ALAS1: variants seen among roughly 807,000 people sequenced by gnomAD.
ALAS1 encodes the protein 5'-aminolevulinate synthase 1, also known as 5-aminolevulinate synthase, non-specific, mitochondrial.
In ALAS1, 29 loss-of-function variants were observed where a neutral mutation model predicts 59.6. That is an observed-to-expected ratio of 0.49 (90% confidence interval 0.36 to 0.66). The LOEUF (loss-of-function observed/expected upper bound fraction) is 0.66, where lower values mean the gene tolerates loss of function less well. Ranked by LOEUF, ALAS1 falls within the 30% of genes least tolerant of loss-of-function variation. The pLI, the probability that ALAS1 is intolerant of heterozygous loss-of-function variation, is 0.00. For synonymous variants in ALAS1, 299 were observed against 296.6 expected (o/e 1.01, Z -0.08); for missense variants, 690 against 807.5 (o/e 0.85, Z 1.76).
rs757206838 is a variant in ALAS1, at chr3:52,214,170, C to T, written c.1913C>T (p.Ala638Val). The T allele has an allele frequency of 4.4e-6, 7 of 1,604,568 alleles. No individual in the cohort carries two copies. Among genetic ancestry groups the T allele is most frequent in the South Asian group, 3.3e-5 (3 of 90,822 alleles). ...YFSGLSKLVSAQA is the reference protein window; with the variant it reads ...YFSGLSKLVSVQA ...TCAGGCTTGAGCAAGTTGGTATCTG[C>T]TCAGGCCTGAGCATGACCTCAATTA... The change falls in exon 12 of 12, where the codon GCT (alanine) becomes GTT (valine). Residue 638 changes from alanine (A) to valine (V), a missense_variant. Ala to Val is a moderately conservative substitution (Grantham distance 64, BLOSUM62 0). Coordinates refer to ENST00000484952, the MANE Select transcript of ALAS1 (RefSeq NM_000688.6).
In ALAS1 at chr3:52,209,910, G is replaced by C. The variant is rs549488340; in HGVS notation, c.1331-1373G>C. On this transcript the variant is annotated intron_variant, in intron 9 of 11. Coordinates refer to ENST00000484952, the MANE Select transcript of ALAS1 (RefSeq NM_000688.6). Reference sequence around the variant, plus strand: ...GGCCAGGCTGGTCTCTAACTCCTGAGCTCAAGTGATTTGCCCCCCTCGGCC... The same window carrying C: ...GGCCAGGCTGGTCTCTAACTCCTGACCTCAAGTGATTTGCCCCCCTCGGCC... Among the ~76,000 whole-genome samples the C allele has an allele frequency of 2.3e-4, 35 of 152,192 alleles. No individual in the cohort carries two copies. In the East Asian group the frequency reaches 2.9e-3, roughly 13 times the overall value.
rs1035913305 is a variant in ALAS1, at chr3:52,202,772, G to A, written c.427+38G>A. ...TTGTGAACCATTAGTGGTAGTGAAG[G>A]GGTCCTTTTAGTTCTTTTGGGCCCT... On this transcript the variant is annotated intron_variant, in intron 4 of 11. Coordinates refer to ENST00000484952, the MANE Select transcript of ALAS1 (RefSeq NM_000688.6). The A allele has an allele frequency of 1.9e-6, 3 of 1,588,158 alleles. No individual in the cohort carries two copies. The African/African-American group carries it at 4.0e-5, about 21-fold the overall frequency.
At chr3:52,207,511 G>C (rs1361936499) in intron 8 of ALAS1, among the ~76,000 whole-genome samples, 1 of 151,868 alleles carries the variant, frequency 6.6e-6, no homozygotes, top group African/African-American at 2.4e-5. Flanking sequence ...GGTTCAGTGG[G>C]TACATGTGCG....
chr3:52,199,448 T>A lies in ALAS1; in HGVS notation c.199+8T>A. 6.2e-7 allele frequency: 1 copy of A among 1,611,218 alleles called. No individual in the cohort carries two copies. Among genetic ancestry groups the A allele is most frequent in the African/African-American group, 1.3e-5 (1 of 74,898 alleles). On this transcript the variant is annotated splice_region_variant and intron_variant, in intron 3 of 11. Coordinates refer to ENST00000484952, the MANE Select transcript of ALAS1 (RefSeq NM_000688.6). ...CCCCTCCGGCCAGTGAGAGTAAGTG[T>A]CATTGACAATGAAGGAGCAGGTATG...
At chr3:52,200,854 T>C (rs772171855) in intron 3 of ALAS1, among the ~76,000 whole-genome samples, 5 of 152,188 alleles carry the variant, frequency 3.3e-5, no homozygotes, top group Non-Finnish European at 5.9e-5. Context: ...GCGTGTTCTC[T>C]GGGTGTGGGC....
At position 52,204,029 on chromosome 3, in the gene ALAS1, T is replaced by C. The variant is rs1258469839; in HGVS notation, c.577+17T>C. The C allele has an allele frequency of 6.3e-7, 1 of 1,589,564 alleles. No homozygotes were observed. Among genetic ancestry groups the C allele is most frequent in the South Asian group, 1.1e-5 (1 of 87,542 alleles). On this transcript the variant is annotated intron_variant, in intron 5 of 11. Transcript: ENST00000484952. ...TGCCAAAATGTAAGTCTCATTGTTA[T>C]TTGCCTGATGTAGAAAAGAATTTAT...
rs1306073755 is a variant in ALAS1, at chr3:52,205,938, C to T, written c.900C>T (p.Leu300=). 1.7e-5 allele frequency: 28 copies of T among 1,614,050 alleles called. No homozygotes were observed. The highest frequency in any genetic ancestry group is 2.2e-5 in the Non-Finnish European group (26 of 1,180,030). Residue 300 remains leucine, a synonymous_variant, in exon 7 of 12, where the codon CTC becomes CTT. Coordinates refer to ENST00000484952, the MANE Select transcript of ALAS1 (RefSeq NM_000688.6). ...HVDLERELAD[L]HGKDAALLFS... is the part of the protein sequence containing the mutation. ...ACTTAGAGCGGGAGCTGGCAGACCT[C>T]CATGGGAAAGATGCCGCACTCTTGT...
At chr3:52,206,813 A>T in intron 8 of ALAS1, 62 bp downstream of exon 8, 1 of 1,538,000 alleles carries the variant, frequency 6.5e-7, no homozygotes, top group Non-Finnish European at 8.8e-7. Flanking sequence ...AACTCTTTAA[A>T]AGTATGGTGT....
Position 52,211,334 on chromosome 3 carries a change from T to TC in ALAS1, c.1382_1383insC (p.Asp462Ter), listed in dbSNP as rs1428855018. 6.2e-7 allele frequency: 1 copy of TC among 1,614,224 alleles called. No individual in the cohort carries two copies. Among genetic ancestry groups the TC allele is most frequent in the Non-Finnish European group, 8.5e-7 (1 of 1,180,042 alleles). ...TACATCGCCAGCACGAGTTCTCTGA[T>TC]TGACACCGTACGGTCCTATGCTGCT... On this transcript the variant is annotated frameshift_variant, in exon 10 of 12. Coordinates refer to ENST00000484952, the MANE Select transcript of ALAS1 (RefSeq NM_000688.6). LOFTEE classifies it high-confidence loss of function.
Position 52,198,686 on chromosome 3 carries a change from T to C in ALAS1, c.-195T>C. On this transcript the variant is annotated 5_prime_UTR_variant, in exon 2 of 12. Coordinates refer to ENST00000484952, the MANE Select transcript of ALAS1 (RefSeq NM_000688.6). ...TCCTTTCTCAGTTATGCCCAGTTCT[T>C]CCCGCTGTGGGGACACGACCACGGA... is the stretch of plus-strand genomic sequence containing the variant. 1.0e-6 allele frequency: 1 copy of C among 966,208 alleles called. No homozygotes were observed. Among genetic ancestry groups the C allele is most frequent in the Middle Eastern group, 2.3e-4 (1 of 4,274 alleles). 59.9% of individuals were successfully genotyped at this position (966,208 alleles called of 1,614,324 possible).
chr3:52,207,215 G>A (rs1196090260), intron 8 of ALAS1, among the ~76,000 whole-genome samples: 1 of 152,076 alleles, frequency 6.6e-6, no homozygotes, highest in Non-Finnish European at 1.5e-5. Flanking sequence ...ATGTTAGCTA[G>A]GATGGTCTCG....
rs768132963 is a variant in ALAS1 at position 52,202,591 on chromosome 3, A to G, written c.284A>G (p.His95Arg). ...GATGGCACACAGCTTCCGTCTGGACACCCCTTGCCTGCCACAAGCCAGGGC... is the reference window on the plus strand; with the variant it reads ...GATGGCACACAGCTTCCGTCTGGACGCCCCTTGCCTGCCACAAGCCAGGGC... ...SPDGTQLPSG[H>R]PLPATSQGTA... The change falls in exon 4 of 12, where the codon CAC (histidine) becomes CGC (arginine). Residue 95 changes from histidine (H) to arginine (R), a missense_variant. By Grantham distance (29) the His-to-Arg change is conservative. Transcript: ENST00000484952. The G allele has an allele frequency of 1.9e-6, 3 of 1,613,820 alleles. No homozygotes were observed. Among genetic ancestry groups the G allele is most frequent in the African/African-American group, 1.3e-5 (1 of 74,892 alleles).
chr3:52,204,948 T>TA, intron 6 of ALAS1, 33 bp downstream of exon 6: 1 of 1,570,606 alleles, frequency 6.4e-7, no homozygotes, highest in Non-Finnish European at 8.8e-7. Flanking sequence ...ATATTACTGT[T>TA]GTTATTTGGC....
intron 4 of ALAS1, 104 bp from the exon 5 acceptor site, chr3:52,203,759 T>C: frequency 7.3e-7 from 1 of 1,367,988 alleles, no homozygotes; most frequent in Non-Finnish European, 9.8e-7. Context: ...CTTGGCCTTT[T>C]TTGTGAACTA....
At chr3:52,203,706 A>T (rs1699236762) in intron 4 of ALAS1, among the ~76,000 whole-genome samples, 157 bp from the exon 5 acceptor site, 1 of 152,256 alleles carries the variant, frequency 6.6e-6, no homozygotes, top group Non-Finnish European at 1.5e-5. Flanking sequence ...ACTAAAATAG[A>T]AGAGATGCTT....
At position 52,213,872 on chromosome 3, in the gene ALAS1, T is replaced by C. The variant is rs1422397379; in HGVS notation, c.1763-148T>C. 4.9e-5 allele frequency: 34 copies of C among 691,408 alleles called. 1 individual carries two copies. Among genetic ancestry groups the C allele is most frequent in the Non-Finnish European group, 6.9e-5 (29 of 421,964 alleles). 42.8% of individuals were successfully genotyped at this position (691,408 alleles called of 1,614,324 possible). A position where few individuals can be genotyped will look rare whatever the true frequency, so the allele number is the denominator to read the frequency against. On this transcript the variant is annotated intron_variant, in intron 11 of 11. Coordinates refer to ENST00000484952, the MANE Select transcript of ALAS1 (RefSeq NM_000688.6). Reference sequence around the variant, plus strand: ...ATTTACCACATTTTGTTTATCCGTCTATTGGTGGACATTTGGTTGTTTCTC... The same window carrying C: ...ATTTACCACATTTTGTTTATCCGTCCATTGGTGGACATTTGGTTGTTTCTC...
chr3:52,212,398 C>A lies in ALAS1; in HGVS notation c.1740C>A (p.Pro580=). 6.2e-7 allele frequency: 1 copy of A among 1,614,034 alleles called. No homozygotes were observed. The highest frequency in any genetic ancestry group is 8.5e-7 in the Non-Finnish European group (1 of 1,180,000). Reference sequence around the variant, plus strand: ...TTGCCCCCACCCCTCACCACACACCCCAGATGATGAACTACTTCCTTGGTG... The same window carrying A: ...TTGCCCCCACCCCTCACCACACACCACAGATGATGAACTACTTCCTTGGTG... ...LRIAPTPHHT[P]QMMNYFLENL... Residue 580 remains proline (P), a synonymous_variant, in exon 11 of 12, where the codon CCC becomes CCA. Transcript: ENST00000484952.
chr3:52,211,656 C>T lies in ALAS1; in HGVS notation c.1599+105C>T, dbSNP rs1485685060. The T allele has an allele frequency of 3.3e-6, 5 of 1,494,310 alleles. No individual in the cohort carries two copies. In the East Asian group the frequency reaches 1.1e-4, roughly 34 times the overall value. The allele number at this position is 1,494,310 out of a possible 1,614,324, so 92.6% of individuals were successfully genotyped here. On this transcript the variant is annotated intron_variant, in intron 10 of 11. Coordinates refer to ENST00000484952, the MANE Select transcript of ALAS1 (RefSeq NM_000688.6). Reference sequence around the variant, plus strand: ...CTGAAGTTGGGCTTGAGCGGGGTGACTGCCAGGGCAGGGGTTGTAGCCAGC... The same window carrying T: ...CTGAAGTTGGGCTTGAGCGGGGTGATTGCCAGGGCAGGGGTTGTAGCCAGC...
At chr3:52,209,560 G>A (rs1289444806) in intron 9 of ALAS1, among the ~76,000 whole-genome samples, 1 of 152,200 alleles carries the variant, frequency 6.6e-6, no homozygotes, top group Non-Finnish European at 1.5e-5. Flanking sequence ...TGAAGGTATG[G>A]TCATTGTGAG....
Sources: allele counts gnomAD v4.1 joint callset (sites outside exome capture counted in the v4.1 genomes callset), GRCh38; gene constraint gnomAD v4.1.1; transcripts MANE v1.5; gene names NCBI Gene and HGNC (gene_info 2026-07-23, HGNC 2026-07-21).